EFNA5: variants seen among roughly 807,000 people sequenced by gnomAD.
The protein encoded by EFNA5 is ephrin-A5.
EFNA5 carries 5 observed loss-of-function variants against 22.9 expected under a neutral mutation model. The observed-to-expected ratio is 0.22, with a 90% CI of 0.11 to 0.46. EFNA5 has a LOEUF of 0.46. EFNA5 is among the 20% of genes least tolerant of loss of function. The pLI, the probability that EFNA5 is intolerant of heterozygous loss-of-function variation, is 0.99. For missense variants in EFNA5, 237 were observed against 293.3 expected, an observed-to-expected ratio of 0.81 and a Z score of 1.40; for synonymous variants, 113 against 112.2, an observed-to-expected ratio of 1.01 and a Z score of -0.04.
At chr5:107,446,807 A>C (rs919036559) in intron 1 of EFNA5, among the ~76,000 whole-genome samples, 3 of 152,096 alleles carry the variant, frequency 2.0e-5, no homozygotes, top group Non-Finnish European at 4.4e-5. Flanking sequence ...GAAGACACTG[A>C]CTTTCTCAAG....
At chr5:107,583,475 C>T (rs934459526) in intron 1 of EFNA5, among the ~76,000 whole-genome samples, 1 of 152,182 alleles carries the variant, frequency 6.6e-6, no homozygotes, top group Admixed American at 6.5e-5. Context: ...GGCACAATTT[C>T]CCTACTCTTT....
intron 1 of EFNA5, among the ~76,000 whole-genome samples, chr5:107,472,701 TAA>T (rs1750171615): frequency 1.3e-5 from 2 of 152,172 alleles, no homozygotes; most frequent in Admixed American, 6.5e-5. Flanking sequence ...TCAATCAAGT[TAA>T]TTAGAGACAT....
chr5:107,630,354 A>G (rs917442802), intron 1 of EFNA5, among the ~76,000 whole-genome samples: 5 of 152,258 alleles, frequency 3.3e-5, no homozygotes, highest in South Asian at 2.1e-4. Flanking sequence ...CACCTAGGCT[A>G]TATGGTATAG....
chr5:107,419,918 T>C (rs753665670), intron 2 of EFNA5, among the ~76,000 whole-genome samples: 14 of 152,274 alleles, frequency 9.2e-5, no homozygotes, highest in Middle Eastern at 6.8e-3. Context: ...AGAAAGTACA[T>C]TGTACTTACA....
At position 107,634,971 on chromosome 5, in the gene EFNA5, CAACTT is replaced by C. The variant is rs1316386450; in HGVS notation, c.125+35513_125+35517del. On this transcript the variant is annotated intron_variant, in intron 1 of 4. Coordinates refer to ENST00000333274, the MANE Select transcript of EFNA5 (RefSeq NM_001962.3). Reference sequence around the variant, plus strand: ...CATTTAACTTACGTCAAATGATAGTCAACTTCACTTCTGGAATGAGACTTCCATTA... The same window carrying C: ...CATTTAACTTACGTCAAATGATAGTCCACTTCTGGAATGAGACTTCCATTA... Among the ~76,000 whole-genome samples, 4 of 152,166 alleles carry C rather than the reference CAACTT, an allele frequency of 2.6e-5. No homozygotes were observed. The East Asian group carries it at 7.7e-4, about 29-fold the overall frequency.
intron 1 of EFNA5, among the ~76,000 whole-genome samples, chr5:107,474,811 G>A (rs193018058): frequency 1.0e-3 from 158 of 152,226 alleles, no homozygotes; most frequent in African/African-American, 3.6e-3. Context: ...AAGAAGCCCC[G>A]AAGATCTAAG....
In EFNA5 at chr5:107,669,501, C is replaced by T. The variant is rs560679342; in HGVS notation, c.125+988G>A. ...AATAAAGGTTCGGAACTGCTCCAGA[C>T]CCGGAGGACCCCGCCGGGCACTCTG... On this transcript the variant is annotated intron_variant, in intron 1 of 4. Coordinates refer to ENST00000333274, the MANE Select transcript of EFNA5 (RefSeq NM_001962.3). Among the ~76,000 whole-genome samples the T allele has an allele frequency of 5.2e-3, 784 of 152,176 alleles. 20 individuals carry two copies. The highest frequency in any genetic ancestry group is 2.0e-3 in the Non-Finnish European group (136 of 68,006).
chr5:107,651,603 G>A, intron 1 of EFNA5, among the ~76,000 whole-genome samples: 1 of 151,500 alleles, frequency 6.6e-6, no homozygotes, highest in East Asian at 1.9e-4. Context: ...TTGGTGGTTT[G>A]GCATTTGTTT....
intron 2 of EFNA5, among the ~76,000 whole-genome samples, chr5:107,394,190 C>T (rs566450517): frequency 2.0e-5 from 3 of 152,306 alleles, no homozygotes; most frequent in African/African-American, 4.8e-5. Flanking sequence ...CTCATGGCCC[C>T]GGTTTACCAA....
chr5:107,431,546 G>C (rs758404481), intron 1 of EFNA5, among the ~76,000 whole-genome samples: 24 of 152,120 alleles, frequency 1.6e-4, no homozygotes, highest in Non-Finnish European at 2.8e-4. Flanking sequence ...AGGAAATTGA[G>C]ATTAAGAAGT....
intron 1 of EFNA5, among the ~76,000 whole-genome samples, chr5:107,433,624 G>T (rs921880820): frequency 5.9e-5 from 9 of 152,176 alleles, no homozygotes; most frequent in Admixed American, 4.6e-4. Context: ...TGCTGAGCAT[G>T]GTGGCTGATG....
intron 1 of EFNA5, among the ~76,000 whole-genome samples, chr5:107,522,171 T>A (rs2112444156): frequency 6.6e-6 from 1 of 152,340 alleles, no homozygotes; most frequent in Admixed American, 6.5e-5. Context: ...GTGCAGTAAC[T>A]TTTTATATGA....
intron 2 of EFNA5, among the ~76,000 whole-genome samples, chr5:107,403,968 T>C (rs1344135926): frequency 3.9e-5 from 6 of 152,238 alleles, no homozygotes. Flanking sequence ...ATGTAATTTC[T>C]GAAAAATGTC....
intron 1 of EFNA5, among the ~76,000 whole-genome samples, chr5:107,655,960 G>T (rs1001251895): frequency 2.0e-5 from 3 of 152,112 alleles, no homozygotes; most frequent in Non-Finnish European, 2.9e-5. Context: ...GCGTCAAGAG[G>T]TTAAACCCTG....
chr5:107,451,049 G>GAGTA (rs1367712139), intron 1 of EFNA5, among the ~76,000 whole-genome samples: 1 of 152,226 alleles, frequency 6.6e-6, no homozygotes, highest in African/African-American at 2.4e-5. Context: ...ATAAAAGCTG[G>GAGTA]AGGTCTTACC....
At chr5:107,514,997 A>G (rs1299868808) in intron 1 of EFNA5, among the ~76,000 whole-genome samples, 1 of 152,194 alleles carries the variant, frequency 6.6e-6, no homozygotes, top group African/African-American at 2.4e-5. Flanking sequence ...GCCGGCAGGA[A>G]CTAAGGACTA....
At chr5:107,549,525 A>G (rs1748239592) in intron 1 of EFNA5, among the ~76,000 whole-genome samples, 1 of 152,232 alleles carries the variant, frequency 6.6e-6, no homozygotes, top group Non-Finnish European at 1.5e-5. Context: ...CCCTAAGAGT[A>G]AACTGGGGTT....
chr5:107,387,504 T>C (rs772596167), intron 3 of EFNA5, among the ~76,000 whole-genome samples, 189 bp from the exon 4 acceptor site: 4 of 152,220 alleles, frequency 2.6e-5, no homozygotes, highest in Non-Finnish European at 4.4e-5. Flanking sequence ...AAACAACAAG[T>C]TAGCAACTGC....
chr5:107,460,465 A>G (rs572160660), intron 1 of EFNA5, among the ~76,000 whole-genome samples: 1 of 152,318 alleles, frequency 6.6e-6, no homozygotes, highest in Non-Finnish European at 1.5e-5. Context: ...CGTATGAATA[A>G]TGAGGCTCAG....
Sources: gnomAD v4.1 joint callset for allele counts (sites outside exome capture counted in the v4.1 genomes callset) on GRCh38, gnomAD v4.1.1 for gene constraint, MANE v1.5 for transcripts, NCBI Gene and HGNC (gene_info 2026-07-23, HGNC 2026-07-21) for gene names.